The following PPP1R42 variants were observed in gnomAD, a reference collection of about 807,000 sequenced individuals.
PPP1R42 encodes leucine rich repeat containing 67.
A neutral mutation model predicts 31.0 loss-of-function variants in PPP1R42; 34 were observed. The ratio of observed to expected loss-of-function variants is 1.10; its 90% CI spans 0.83 to 1.46. The LOEUF (loss-of-function observed/expected upper bound fraction) is 1.46. PPP1R42 is among the 40% of genes most tolerant of loss of function. PPP1R42 has a pLI of 0.00. For synonymous variants in PPP1R42, 103 were observed against 109.8 expected, an observed-to-expected ratio of 0.94 and a Z score of 0.39; for missense variants, 268 against 303.0, an observed-to-expected ratio of 0.88 and a Z score of 0.86.
chr8:67,026,252 C>T (rs1424322362), intron 1 of PPP1R42, among the ~76,000 whole-genome samples: 6 of 151,384 alleles, frequency 4.0e-5, no homozygotes, highest in Non-Finnish European at 7.4e-5. Flanking sequence ...GCAGGAGAAT[C>T]GCTTGTACCC....
intron 5 of PPP1R42, among the ~76,000 whole-genome samples, chr8:66,998,445 C>CT (rs1253621422): frequency 6.6e-6 from 1 of 152,144 alleles, no homozygotes; most frequent in African/African-American, 2.4e-5. Flanking sequence ...GTTCTAATAG[C>CT]TTTTTGCAGA....
intron 5 of PPP1R42, among the ~76,000 whole-genome samples, chr8:67,003,060 T>C (rs113204466): frequency 6.6e-4 from 95 of 142,892 alleles, no homozygotes; most frequent in African/African-American, 2.3e-3. Context: ...AGCTACTAGG[T>C]GGGGCTGAGG....
At chr8:67,024,214 G>T (rs1816316494) in intron 1 of PPP1R42, among the ~76,000 whole-genome samples, 1 of 152,008 alleles carries the variant, frequency 6.6e-6, no homozygotes, top group Non-Finnish European at 1.5e-5. Flanking sequence ...AGTTTGTAAA[G>T]TTTTTTTTAA....
At chr8:66,992,073 CACATTGCCAATCACATACTT>C (rs1815204947) in intron 5 of PPP1R42, among the ~76,000 whole-genome samples, 1 of 152,190 alleles carries the variant, frequency 6.6e-6, no homozygotes, top group Non-Finnish European at 1.5e-5. Flanking sequence ...CACTGATCCA[CACATTGCCAATCACATACTT>C]TCCCAGTCTC....
At chr8:66,973,491 A>C (rs1000988538) in intron 7 of PPP1R42, among the ~76,000 whole-genome samples, 1 of 152,120 alleles carries the variant, frequency 6.6e-6, no homozygotes, top group African/African-American at 2.4e-5. Context: ...TTTTTGGTAG[A>C]GACAGGGTTT....
intron 7 of PPP1R42, among the ~76,000 whole-genome samples, chr8:66,977,092 T>A (rs1231396935): frequency 6.6e-6 from 1 of 151,758 alleles, no homozygotes; most frequent in Non-Finnish European, 1.5e-5. Flanking sequence ...GAAGTGTAGT[T>A]GTGTGATCTC....
At chr8:67,003,733 T>C (rs569626026) in intron 5 of PPP1R42, among the ~76,000 whole-genome samples, 9 of 152,308 alleles carry the variant, frequency 5.9e-5, no homozygotes, top group South Asian at 4.1e-4. Context: ...ACTTTTTTTT[T>C]CCCCTGCCTT....
At position 67,006,739 on chromosome 8, in the gene PPP1R42, CTTTTTT is replaced by C. The variant is rs1183630078; in HGVS notation, c.552+3970_552+3975del. ...AAAGTAAACGCCTTGAGGGTAGAGG[CTTTTTT>C]TTTTTTTTTTTTTTTTTTTGAGATG... On this transcript the variant is annotated intron_variant, in intron 5 of 7. Transcript: ENST00000685739. Among the ~76,000 whole-genome samples, 33 of 70,540 alleles carry C rather than the reference CTTTTTT, an allele frequency of 4.7e-4. No individual in the cohort carries two copies. The East Asian group carries it at 0.014, about 30-fold the overall frequency. The allele number at this position is 70,540 out of a possible 152,430, so 46.3% of individuals were successfully genotyped here.
intron 7 of PPP1R42, among the ~76,000 whole-genome samples, chr8:66,981,194 T>C (rs1457067426): frequency 6.6e-6 from 1 of 151,990 alleles, no homozygotes; most frequent in African/African-American, 2.4e-5. Flanking sequence ...TACACATTAC[T>C]CTTAGTTACA....
intron 7 of PPP1R42, among the ~76,000 whole-genome samples, chr8:66,967,655 A>C (rs1213521261): frequency 2.0e-5 from 3 of 152,220 alleles, no homozygotes; most frequent in Non-Finnish European, 4.4e-5. Flanking sequence ...TCCATATTCT[A>C]ACAAAGGGTA....
Position 67,013,083 on chromosome 8 carries a change from T to C in PPP1R42, c.310A>G (p.Asn104Asp), listed in dbSNP as rs950686707. The change falls in exon 4 of 8, where the codon AAT (asparagine) becomes GAT (aspartate). Residue 104 changes from asparagine (N) to aspartate (D), a missense_variant. Physicochemically the swap from Asn to Asp is conservative, Grantham distance 23 (BLOSUM62 1). Transcript: ENST00000685739. Reference sequence around the variant, plus strand: ...AAACCTTCTATGACAGCAATGTAATTGCCTCCCAGATACCTGCAAAACATA... The same window carrying C: ...AAACCTTCTATGACAGCAATGTAATCGCCTCCCAGATACCTGCAAAACATA... ...KKLEKLYLGG[N>D]YIAVIEGLEG... The C allele has an allele frequency of 1.3e-6, 2 of 1,598,296 alleles. No individual in the cohort carries two copies. Among genetic ancestry groups the C allele is most frequent in the Non-Finnish European group, 8.5e-7 (1 of 1,174,508 alleles).
chr8:67,011,255 G>A (rs1332222026), intron 4 of PPP1R42, among the ~76,000 whole-genome samples: 2 of 152,106 alleles, frequency 1.3e-5, no homozygotes, highest in African/African-American at 2.4e-5. Context: ...ATAGGGGTGC[G>A]GTGGCTCATG....
chr8:67,026,062 G>A (rs571221637), intron 1 of PPP1R42, among the ~76,000 whole-genome samples: 5 of 151,522 alleles, frequency 3.3e-5, no homozygotes, highest in South Asian at 2.1e-4. Context: ...GTGGCCGGGC[G>A]CGGTGGCTCA....
At chr8:66,968,376 G>T in intron 7 of PPP1R42, 1 of 623,012 alleles carries the variant, frequency 1.6e-6, no homozygotes, top group Non-Finnish European at 2.0e-6. Context: ...CCAGTGTGTA[G>T]AACCCTAAAG....
At chr8:66,994,611 C>G (rs1251205316) in intron 5 of PPP1R42, among the ~76,000 whole-genome samples, 1 of 152,046 alleles carries the variant, frequency 6.6e-6, no homozygotes. Flanking sequence ...AACAAGACTA[C>G]AAGAAGACAA....
chr8:66,976,705 A>G (rs114325425), intron 7 of PPP1R42, among the ~76,000 whole-genome samples: 2 of 150,812 alleles, frequency 1.3e-5, no homozygotes, highest in African/African-American at 4.9e-5. Flanking sequence ...AATGTCCCCC[A>G]TTTCCATCCG....
chr8:67,026,675 A>C (rs1816409953), intron 1 of PPP1R42, among the ~76,000 whole-genome samples: 2 of 150,906 alleles, frequency 1.3e-5, no homozygotes, highest in Admixed American at 1.3e-4. Flanking sequence ...TGTCTCTACA[A>C]AAATAAATGA....
chr8:66,985,213 G>A (rs1275726780), intron 6 of PPP1R42: 3 of 1,126,498 alleles, frequency 2.7e-6, no homozygotes, highest in Non-Finnish European at 4.1e-6. Flanking sequence ...TCGCTGAGCA[G>A]TCTTCTCAAA....
intron 6 of PPP1R42, chr8:66,984,107 G>T: frequency 6.4e-7 from 1 of 1,570,968 alleles, no homozygotes; most frequent in Non-Finnish European, 8.7e-7. Context: ...AAGGCAAGAG[G>T]GGAGAGGCAA....
Sources: allele counts gnomAD v4.1 joint callset (sites outside exome capture counted in the v4.1 genomes callset), GRCh38; gene constraint gnomAD v4.1.1; transcripts MANE v1.5; gene names NCBI Gene and HGNC (gene_info 2026-07-23, HGNC 2026-07-21).